Variants in DIP2B observed in about 807,000 individuals in gnomAD.
DIP2B encodes disco-interacting protein 2 homolog B.
A neutral mutation model predicts 198.0 loss-of-function variants in DIP2B; 76 were observed. That is an observed-to-expected ratio of 0.38 (90% CI 0.32 to 0.46). The LOEUF (loss-of-function observed/expected upper bound fraction) is 0.46. Ranked by LOEUF, DIP2B falls within the 20% of genes least tolerant of loss-of-function variation. DIP2B has a pLI of 0.99. For missense variants in DIP2B, 1,559 were observed against 1,978.4 expected (o/e 0.79, Z 4.02); for synonymous variants, 701 against 739.1 (o/e 0.95, Z 0.84).
rs140594280 is a variant in DIP2B, at chr12:50,627,482, C to T, written c.172+1435C>T. On this transcript the variant is annotated intron_variant, in intron 2 of 37. Coordinates refer to ENST00000301180, the MANE Select transcript of DIP2B (RefSeq NM_173602.3). ...CTGAGTAGCTGGAACTACAGGTGTG[C>T]GCCACCACACCCAGTTAATTATTTT... Among the ~76,000 whole-genome samples the T allele has an allele frequency of 1.1e-3, 160 of 152,180 alleles. 2 individuals carry two copies. The East Asian group carries it at 0.022, about 21-fold the overall frequency.
intron 1 of DIP2B, among the ~76,000 whole-genome samples, chr12:50,545,848 C>G (rs960121230): frequency 4.0e-5 from 6 of 151,858 alleles, no homozygotes; most frequent in African/African-American, 9.7e-5. Flanking sequence ...TGTTGGCCAG[C>G]TGGTCTTGAA....
chr12:50,550,019 G>A (rs1185655688), intron 1 of DIP2B, among the ~76,000 whole-genome samples: 1 of 152,018 alleles, frequency 6.6e-6, no homozygotes, highest in Non-Finnish European at 1.5e-5. Flanking sequence ...TTTTCTAGGA[G>A]CTCTGGGGTT....
At chr12:50,535,539 G>T (rs1047641744) in intron 1 of DIP2B, among the ~76,000 whole-genome samples, 2 of 151,704 alleles carry the variant, frequency 1.3e-5, no homozygotes, top group Non-Finnish European at 2.9e-5. Flanking sequence ...GCTAATTTTT[G>T]TATTTTGTTT....
intron 1 of DIP2B, among the ~76,000 whole-genome samples, chr12:50,532,584 C>T (rs1000232847): frequency 6.6e-6 from 1 of 152,006 alleles, no homozygotes; most frequent in Non-Finnish European, 1.5e-5. Context: ...TGAAGACATA[C>T]AAAAAAACCC....
chr12:50,542,261 A>AAAT (rs1555182916), intron 1 of DIP2B, among the ~76,000 whole-genome samples: 2 of 151,350 alleles, frequency 1.3e-5, no homozygotes, highest in African/African-American at 4.9e-5. Flanking sequence ...AAAAAAAAAA[A>AAAT]AAAAGAAAAA....
intron 1 of DIP2B, among the ~76,000 whole-genome samples, chr12:50,544,752 G>A (rs1026831211): frequency 2.6e-5 from 4 of 151,844 alleles, no homozygotes; most frequent in Non-Finnish European, 5.9e-5. Context: ...TGAGTAGTTG[G>A]GACTACAGGT....
chr12:50,739,643 ACCT>A (rs1940204522), intron 36 of DIP2B, 57 bp downstream of exon 36: 2 of 1,593,748 alleles, frequency 1.3e-6, no homozygotes, highest in Non-Finnish European at 8.6e-7. Context: ...GCACTAGCTG[ACCT>A]CCTTCAGCCT....
At chr12:50,575,786 CT>C (rs972573106) in intron 1 of DIP2B, among the ~76,000 whole-genome samples, 6 of 152,012 alleles carry the variant, frequency 3.9e-5, no homozygotes, top group Non-Finnish European at 8.8e-5. Flanking sequence ...GAGATGGAGT[CT>C]TGCTTTGTCG....
At chr12:50,652,508 C>A (rs1215009737) in intron 3 of DIP2B, among the ~76,000 whole-genome samples, 1 of 151,830 alleles carries the variant, frequency 6.6e-6, no homozygotes, top group African/African-American at 2.4e-5. Flanking sequence ...TGCACTCTAG[C>A]CTGGGCGACA....
chr12:50,505,019 C>CGGCGGCGGT lies in DIP2B; in HGVS notation c.-117_-116insCGGTGGCGG, dbSNP rs1555179948. On this transcript the variant is annotated 5_prime_UTR_variant, in exon 1 of 38. Coordinates refer to ENST00000301180, the MANE Select transcript of DIP2B (RefSeq NM_173602.3). Reference sequence around the variant, plus strand: ...TTGCTCATGGCGGCGGCGGCGGCGGCGGCGGTGCTGGTGGTGCTCGGCGGC... The same window carrying CGGCGGCGGT: ...TTGCTCATGGCGGCGGCGGCGGCGGCGGCGGCGGTGGCGGTGCTGGTGGTGCTCGGCGGC... 2 of 1,004,790 alleles carry CGGCGGCGGT rather than the reference C, an allele frequency of 2.0e-6. No individual in the cohort carries two copies. The highest frequency in any genetic ancestry group is 1.7e-5 in the African/African-American group (1 of 59,298). 62.2% of individuals were successfully genotyped at this position (1,004,790 alleles called of 1,614,324 possible).
At position 50,664,830 on chromosome 12, in the gene DIP2B, G is replaced by GTTTTTTTTTTTTTTTT. The variant is rs1205734576; in HGVS notation, c.427+4516_427+4517insTTTTTTTTTTTTTTTT. The stretch of plus-strand genomic sequence containing the variant: ...CAAGGAGAATTTCCCTCCTTTTTTG[G>GTTTTTTTTTTTTTTTT]TTTTTGTTTTTTTTTTTTTTTTTTT... On this transcript the variant is annotated intron_variant, in intron 4 of 37. Transcript: ENST00000301180. Among the ~76,000 whole-genome samples, 17 of 99,642 alleles carry GTTTTTTTTTTTTTTTT rather than the reference G, an allele frequency of 1.7e-4. 8 individuals are homozygous for GTTTTTTTTTTTTTTTT. Among genetic ancestry groups the GTTTTTTTTTTTTTTTT allele is most frequent in the African/African-American group, 2.9e-4 (7 of 23,972 alleles). 65.4% of individuals were successfully genotyped at this position (99,642 alleles called of 152,430 possible).
At chr12:50,517,752 C>T (rs1958078445) in intron 1 of DIP2B, among the ~76,000 whole-genome samples, 2 of 152,290 alleles carry the variant, frequency 1.3e-5, no homozygotes, top group African/African-American at 4.8e-5. Context: ...TCCATGAATG[C>T]ACTGTGCTTT....
Position 50,740,150 on chromosome 12 carries a change from CTTAT to C in DIP2B, c.4354+565_4354+568del, listed in dbSNP as rs1200758596. 3.9e-5 allele frequency among the ~76,000 whole-genome samples: 6 copies of C among 152,332 alleles called. No homozygotes were observed. In the East Asian group the frequency reaches 9.6e-4, roughly 24 times the overall value. ...CATCACTCTTTCTTCCAGACTGACACTTATAGCCATTTAAAAATACCCAACACTG... is the reference window on the plus strand; with the variant it reads ...CATCACTCTTTCTTCCAGACTGACACAGCCATTTAAAAATACCCAACACTG... On this transcript the variant is annotated intron_variant, in intron 36 of 37. Coordinates refer to ENST00000301180, the MANE Select transcript of DIP2B (RefSeq NM_173602.3).
chr12:50,518,209 A>G (rs546725607), intron 1 of DIP2B, among the ~76,000 whole-genome samples: 1 of 141,934 alleles, frequency 7.0e-6, no homozygotes, highest in East Asian at 2.1e-4. Flanking sequence ...GGGTTCACAT[A>G]TGGTCTTGGG....
chr12:50,711,371 G>GT (rs1234954739), intron 22 of DIP2B, among the ~76,000 whole-genome samples: 1 of 152,096 alleles, frequency 6.6e-6, no homozygotes, highest in Non-Finnish European at 1.5e-5. Context: ...TATCAGATGC[G>GT]TTTTTAATGA....
In DIP2B at chr12:50,580,025, C is replaced by T. The variant is rs1261838781; in HGVS notation, c.101-45951C>T. ...GACCAGTTCTTAGCTTAACCTAGAC[C>T]TTGTGGGGCAAAAACAACAGGGAAG... On this transcript the variant is annotated intron_variant, in intron 1 of 37. Transcript: ENST00000301180. 2.2e-5 allele frequency among the ~76,000 whole-genome samples: 3 copies of T among 137,030 alleles called. 1 individual carries two copies. Among genetic ancestry groups the T allele is most frequent in the African/African-American group, 8.0e-5 (3 of 37,300 alleles). 89.9% of individuals were successfully genotyped at this position (137,030 alleles called of 152,430 possible).
At chr12:50,530,092 T>G (rs566093138) in intron 1 of DIP2B, among the ~76,000 whole-genome samples, 1 of 152,256 alleles carries the variant, frequency 6.6e-6, no homozygotes, top group East Asian at 1.9e-4. Flanking sequence ...TTTCATTTTT[T>G]TTGAGACAGG....
intron 1 of DIP2B, among the ~76,000 whole-genome samples, chr12:50,599,820 C>T (rs986972252): frequency 2.6e-5 from 4 of 152,284 alleles, no homozygotes; most frequent in South Asian, 4.1e-4. Context: ...ATTATCAACA[C>T]CATTTCTATA....
chr12:50,648,910 TAGTC>T (rs1417519354), intron 3 of DIP2B, among the ~76,000 whole-genome samples: 1 of 152,134 alleles, frequency 6.6e-6, no homozygotes, highest in Non-Finnish European at 1.5e-5. Flanking sequence ...TAAAACAATT[TAGTC>T]AGCAAGATAT....
Sources: allele counts gnomAD v4.1 joint callset (sites outside exome capture counted in the v4.1 genomes callset), GRCh38; gene constraint gnomAD v4.1.1; transcripts MANE v1.5; gene names NCBI Gene and HGNC (gene_info 2026-07-23, HGNC 2026-07-21).